PRKG1: variants seen among roughly 807,000 people sequenced by gnomAD.
The protein encoded by PRKG1 is cGMP-dependent protein kinase 1.
PRKG1 carries 35 observed loss-of-function variants against 88.1 expected under a neutral mutation model. The observed-to-expected ratio is 0.40, with a 90% confidence interval of 0.30 to 0.53. The LOEUF is 0.53. Ranked by LOEUF, PRKG1 falls within the 20% of genes least tolerant of loss-of-function variation. The pLI is 0.59. For synonymous variants in PRKG1, 303 were observed against 292.5 expected (o/e 1.04, Z -0.37); for missense variants, 540 against 839.8 (o/e 0.64, Z 4.41).
intron 4 of PRKG1, among the ~76,000 whole-genome samples, chr10:51,875,797 G>T (rs186346677): frequency 5.5e-4 from 83 of 152,260 alleles, no homozygotes; most frequent in African/African-American, 1.9e-3. Context: ...ACATCGTTTT[G>T]TATTTTGTAA....
chr10:52,051,347 A>G (rs1279165401), intron 5 of PRKG1, among the ~76,000 whole-genome samples: 2 of 152,060 alleles, frequency 1.3e-5, no homozygotes, highest in African/African-American at 4.8e-5. Context: ...CCTCTTTCTG[A>G]GGTGTTTTTA....
chr10:51,405,565 G>A (rs536160899), intron 2 of PRKG1, among the ~76,000 whole-genome samples: 6 of 152,210 alleles, frequency 3.9e-5, no homozygotes, highest in South Asian at 2.1e-4. Context: ...AAACCATATC[G>A]GAAATTTGAC....
At chr10:51,360,308 C>T (rs1281456836) in intron 2 of PRKG1, among the ~76,000 whole-genome samples, 1 of 151,832 alleles carries the variant, frequency 6.6e-6, no homozygotes, top group East Asian at 1.9e-4. Flanking sequence ...TGACCTTGTA[C>T]AGGTAAACTT....
At chr10:51,044,741 G>A (rs1363093831) in intron 1 of PRKG1, among the ~76,000 whole-genome samples, 1 of 152,012 alleles carries the variant, frequency 6.6e-6, no homozygotes. Flanking sequence ...GGCTAGGTGG[G>A]GAGAGTGATA....
chr10:52,143,222 C>T (rs529913859), intron 8 of PRKG1, among the ~76,000 whole-genome samples: 24 of 152,270 alleles, frequency 1.6e-4, no homozygotes, highest in African/African-American at 5.1e-4. Context: ...ACCCCCCAGC[C>T]TTCCCCATTC....
chr10:51,217,581 C>T (rs1310662006), intron 2 of PRKG1, among the ~76,000 whole-genome samples: 1 of 152,074 alleles, frequency 6.6e-6, no homozygotes, highest in Non-Finnish European at 1.5e-5. Context: ...TTTCTATTTA[C>T]ATTTACACAA....
At chr10:51,699,140 G>C (rs1352993859) in intron 3 of PRKG1, 1 of 1,614,132 alleles carries the variant, frequency 6.2e-7, no homozygotes. Context: ...CATCTGCTCC[G>C]GGGGGAGACT....
intron 7 of PRKG1, among the ~76,000 whole-genome samples, chr10:52,112,464 G>T (rs956503259): frequency 3.3e-5 from 5 of 151,994 alleles, no homozygotes; most frequent in African/African-American, 7.3e-5. Context: ...GGGTAATGAG[G>T]TATTTCATGG....
At chr10:51,254,993 T>C (rs1301831573) in intron 2 of PRKG1, among the ~76,000 whole-genome samples, 1 of 152,078 alleles carries the variant, frequency 6.6e-6, no homozygotes, top group East Asian at 1.9e-4. Flanking sequence ...ATTTCTGTTT[T>C]CTCAACTATG....
chr10:51,392,335 T>C (rs931525646), intron 2 of PRKG1, among the ~76,000 whole-genome samples: 11 of 151,926 alleles, frequency 7.2e-5, no homozygotes, highest in Non-Finnish European at 1.2e-4. Flanking sequence ...TGATGACTCT[T>C]AAGGAGCATG....
intron 9 of PRKG1, among the ~76,000 whole-genome samples, chr10:52,238,210 A>C (rs28817285): frequency 0.23 from 24,430 of 106,140 alleles, 2,961 homozygotes; most frequent in Admixed American, 0.25. Context: ...CTAAAACCAT[A>C]AAAACCCTAG....
At chr10:51,771,870 A>G (rs1227949003) in intron 3 of PRKG1, among the ~76,000 whole-genome samples, 2 of 152,148 alleles carry the variant, frequency 1.3e-5, no homozygotes, top group African/African-American at 4.8e-5. Flanking sequence ...TACTCTAAAT[A>G]TACGTATAAC....
chr10:51,773,787 C>T (rs534324655), intron 3 of PRKG1, among the ~76,000 whole-genome samples: 133 of 152,116 alleles, frequency 8.7e-4, no homozygotes, highest in Middle Eastern at 6.8e-3. Context: ...TCCTCTTTTA[C>T]ATTTGATGCT....
At chr10:51,530,538 C>T (rs1841992350) in intron 3 of PRKG1, among the ~76,000 whole-genome samples, 1 of 152,074 alleles carries the variant, frequency 6.6e-6, no homozygotes, top group African/African-American at 2.4e-5. Flanking sequence ...TCCTATTTTC[C>T]ACATTTTGTA....
chr10:51,778,270 C>T (rs1838492524), intron 3 of PRKG1, among the ~76,000 whole-genome samples: 1 of 152,094 alleles, frequency 6.6e-6, no homozygotes, highest in South Asian at 2.1e-4. Context: ...ATGTTTCTCC[C>T]ATTAGGTCTT....
chr10:52,032,365 A>G (rs1845494721), intron 5 of PRKG1, among the ~76,000 whole-genome samples: 1 of 152,186 alleles, frequency 6.6e-6, no homozygotes, highest in Admixed American at 6.6e-5. Flanking sequence ...CTCTTGGGAA[A>G]ATTATTCAAC....
intron 2 of PRKG1, among the ~76,000 whole-genome samples, chr10:51,383,032 TCA>T (rs1837149603): frequency 6.6e-6 from 1 of 152,238 alleles, no homozygotes; most frequent in South Asian, 2.1e-4. Flanking sequence ...CTTGACCAAT[TCA>T]CTAGCAAAGC....
At chr10:51,349,568 A>G (rs1588870141) in intron 2 of PRKG1, among the ~76,000 whole-genome samples, 1 of 148,304 alleles carries the variant, frequency 6.7e-6, no homozygotes, top group Admixed American at 6.8e-5. Context: ...GTGCAGTGGC[A>G]TGATCTTGGC....
chr10:51,537,057 G>T (rs1842175090), intron 3 of PRKG1, among the ~76,000 whole-genome samples: 1 of 152,060 alleles, frequency 6.6e-6, no homozygotes, highest in South Asian at 2.1e-4. Flanking sequence ...TAGATGTCCA[G>T]GTCCACTCTT....
Sources: allele counts gnomAD v4.1 joint callset (sites outside exome capture counted in the v4.1 genomes callset), GRCh38; gene constraint gnomAD v4.1.1; transcripts MANE v1.5; gene names NCBI Gene and HGNC (gene_info 2026-07-23, HGNC 2026-07-21).